The following TMEM33 variants were observed in gnomAD, a reference collection of about 807,000 sequenced individuals.
TMEM33 encodes the protein transmembrane protein 33.
In TMEM33, 16 loss-of-function variants were observed where a neutral mutation model predicts 29.7. That is an observed-to-expected ratio of 0.54 (90% CI 0.36 to 0.82). TMEM33 has a LOEUF of 0.82. Ranked by LOEUF, TMEM33 falls within the 40% of genes least tolerant of loss-of-function variation. TMEM33 has a pLI of 0.00. For missense variants in TMEM33, 252 were observed against 295.3 expected (o/e 0.85, Z 1.08); for synonymous variants, 112 against 109.4 (o/e 1.02, Z -0.15).
At position 41,955,681 on chromosome 4, in the gene TMEM33, AGC is replaced by A. The variant is rs1713233385; in HGVS notation, c.*1483_*1484del. On this transcript the variant is annotated 3_prime_UTR_variant, in exon 7 of 7. Transcript: ENST00000504986. ...GTATTTTTGTAATATTTGTCCACTA[AGC>A]TGGAGAAGCAGCCTCATACAGTTGA... 6.6e-6 allele frequency: 1 copy of A among 152,650 alleles called. No individual in the cohort carries two copies. Among genetic ancestry groups the A allele is most frequent in the Non-Finnish European group, 1.5e-5 (1 of 68,024 alleles). The allele number at this position is 152,650 out of a possible 1,614,324, so 9.5% of individuals were successfully genotyped here.
rs1286921150 is a variant in TMEM33 at position 41,959,242 on chromosome 4, A to G, written c.*5043A>G. ...ACAAAGGAGCTTCTAAAGGTTTGGGAGGTTTACTGGTAGTAACTATTCTAG... is the reference window on the plus strand; with the variant it reads ...ACAAAGGAGCTTCTAAAGGTTTGGGGGGTTTACTGGTAGTAACTATTCTAG... On this transcript the variant is annotated 3_prime_UTR_variant, in exon 7 of 7. Coordinates refer to ENST00000504986, the MANE Select transcript of TMEM33 (RefSeq NM_018126.3). 4 of 152,296 alleles carry G rather than the reference A, an allele frequency of 2.6e-5. No homozygotes were observed. Among genetic ancestry groups the G allele is most frequent in the Admixed American group, 2.0e-4 (3 of 15,302 alleles). 9.4% of individuals were successfully genotyped at this position (152,296 alleles called of 1,614,324 possible). A position where few individuals can be genotyped will look rare whatever the true frequency, so the allele number is the denominator to read the frequency against.
At chr4:41,948,350 A>G (rs902770823) in intron 5 of TMEM33, among the ~76,000 whole-genome samples, 1 of 152,120 alleles carries the variant, frequency 6.6e-6, no homozygotes. Flanking sequence ...TTTTCTATTT[A>G]TATTTTCTAT....
In TMEM33 at chr4:41,939,253, T is replaced by C. The variant is rs751412651; in HGVS notation, c.198T>C (p.Ser66=). 1.9e-5 allele frequency: 31 copies of C among 1,612,740 alleles called. 1 individual carries two copies. The South Asian group carries it at 3.4e-4, about 18-fold the overall frequency. The part of the protein sequence containing the change: ...QRALLANALT[S]ALRLHQRLPH... ...CTTTGCTGGCAAATGCTCTTACCAG[T>C]GCTCTGAGGCTGCATCAAAGATTAC... Residue 66 remains serine, a synonymous_variant, in exon 3 of 7, where the codon AGT becomes AGC. Coordinates refer to ENST00000504986, the MANE Select transcript of TMEM33 (RefSeq NM_018126.3).
At chr4:41,940,049 T>TTTTTTTTTTG (rs1712454948) in intron 3 of TMEM33, among the ~76,000 whole-genome samples, 1 of 124,050 alleles carries the variant, frequency 8.1e-6, no homozygotes, top group African/African-American at 2.8e-5. Context: ...AAACTTTCTT[T>TTTTTTTTTTG]TTTTTTTTTT....
At chr4:41,939,410 G>T in intron 3 of TMEM33, 27 bp downstream of exon 3, 1 of 1,603,944 alleles carries the variant, frequency 6.2e-7, no homozygotes, top group Non-Finnish European at 8.5e-7. Context: ...TGTTAACAAT[G>T]AAATTGCCAA....
intron 6 of TMEM33, among the ~76,000 whole-genome samples, chr4:41,951,612 T>C (rs1337150725): frequency 5.9e-5 from 9 of 152,334 alleles, no homozygotes; most frequent in South Asian, 2.1e-4. Context: ...GATGAACTTA[T>C]GTGGAATTAA....
chr4:41,944,106 G>C (rs1050226622), intron 4 of TMEM33: 8 of 341,414 alleles, frequency 2.3e-5, no homozygotes, highest in Admixed American at 4.8e-5. Context: ...TCTAAAGTTT[G>C]TTGAGTTGTC....
In TMEM33 at chr4:41,954,183, C is replaced by G. The variant is rs1713163273; in HGVS notation, c.728C>G (p.Ala243Gly). Residue 243 changes from alanine (A) to glycine (G), a missense_variant, in exon 7 of 7, where the codon GCA becomes GGA. Coordinates refer to ENST00000504986, the MANE Select transcript of TMEM33 (RefSeq NM_018126.3). ...AGCATTGCCTTTATAAGCAGATTGG[C>G]ACCAACAGTTCCATAGTTTAACATC... ...LQSIAFISRL[A>G]PTVP is the part of the protein sequence containing the mutation. The G allele has an allele frequency of 1.2e-6, 2 of 1,613,762 alleles. No homozygotes were observed. Among genetic ancestry groups the G allele is most frequent in the Non-Finnish European group, 1.7e-6 (2 of 1,179,744 alleles).
rs780306393 is a variant in TMEM33 at position 41,939,326 on chromosome 4, G to A, written c.271G>A (p.Asp91Asn). 1 of 1,613,670 alleles carries A rather than the reference G, an allele frequency of 6.2e-7. No homozygotes were observed. The highest frequency in any genetic ancestry group is 8.5e-7 in the Non-Finnish European group (1 of 1,179,884). The change falls in exon 3 of 7, where the codon GAC (aspartate) becomes AAC (asparagine). Residue 91 changes from aspartate (D) to asparagine (N), a missense_variant. Coordinates refer to ENST00000504986, the MANE Select transcript of TMEM33 (RefSeq NM_018126.3). ...RAFLAQALLEDSCHYLLYSLI... is the reference protein window; with the variant it reads ...RAFLAQALLENSCHYLLYSLI... ...ATTCCTGGCCCAGGCTTTGTTAGAGGACAGCTGCCACTACCTGTTGTATTC... is the reference window on the plus strand; with the variant it reads ...ATTCCTGGCCCAGGCTTTGTTAGAGAACAGCTGCCACTACCTGTTGTATTC...
chr4:41,940,786 C>T (rs963387039), intron 3 of TMEM33, among the ~76,000 whole-genome samples: 3 of 127,716 alleles, frequency 2.3e-5, no homozygotes, highest in Non-Finnish European at 4.7e-5. Flanking sequence ...CTAGCCTGGG[C>T]GACAGAGCGA....
At chr4:41,952,968 T>G (rs1560519874) in intron 6 of TMEM33, among the ~76,000 whole-genome samples, 1 of 152,108 alleles carries the variant, frequency 6.6e-6, no homozygotes, top group African/African-American at 2.4e-5. Flanking sequence ...TTTTTCTTGT[T>G]CTGTTTTAAA....
At chr4:41,944,664 C>G (rs1024114984) in intron 4 of TMEM33, 129 bp from the exon 5 acceptor site, 8 of 1,062,474 alleles carry the variant, frequency 7.5e-6, no homozygotes, top group Admixed American at 5.9e-5. Flanking sequence ...TTGTGAACTT[C>G]GTACCATCAT....
chr4:41,954,165 C>A lies in TMEM33; in HGVS notation c.710C>A (p.Ala237Asp), dbSNP rs369114020. 2.5e-6 allele frequency: 4 copies of A among 1,613,744 alleles called. No homozygotes were observed. The African/African-American group carries it at 5.3e-5, about 22-fold the overall frequency. ...FVRRLCLQSIAFISRLAPTVP is the reference protein window; with the variant it reads ...FVRRLCLQSIDFISRLAPTVP Reference sequence around the variant, plus strand: ...AGAAGACTTTGTCTCCAGAGCATTGCCTTTATAAGCAGATTGGCACCAACA... The same window carrying A: ...AGAAGACTTTGTCTCCAGAGCATTGACTTTATAAGCAGATTGGCACCAACA... Residue 237 changes from alanine (A) to aspartate (D), a missense_variant, in exon 7 of 7, where the codon GCC (alanine) becomes GAC (aspartate). By Grantham distance (126) the Ala-to-Asp change is moderately radical. Coordinates refer to ENST00000504986, the MANE Select transcript of TMEM33 (RefSeq NM_018126.3).
At chr4:41,950,819 CCTT>C (rs1208853646) in intron 6 of TMEM33, among the ~76,000 whole-genome samples, 2 of 152,086 alleles carry the variant, frequency 1.3e-5, no homozygotes, top group Admixed American at 6.6e-5. Flanking sequence ...CTTTGTGCCT[CCTT>C]CTCCATTCCC....
chr4:41,951,431 T>C (rs1713035848), intron 6 of TMEM33, among the ~76,000 whole-genome samples: 1 of 152,194 alleles, frequency 6.6e-6, no homozygotes, highest in African/African-American at 2.4e-5. Context: ...TTTATCATTG[T>C]TCAAAGTTCT....
chr4:41,939,514 A>G (rs759516365), intron 3 of TMEM33, 131 bp downstream of exon 3: 70 of 928,908 alleles, frequency 7.5e-5, no homozygotes, highest in Non-Finnish European at 1.0e-4. Flanking sequence ...GAATGAAGAT[A>G]TGTTTAGTGT....
At chr4:41,950,753 T>TATTC (rs1367746687) in intron 6 of TMEM33, among the ~76,000 whole-genome samples, 2 of 152,224 alleles carry the variant, frequency 1.3e-5, no homozygotes, top group African/African-American at 4.8e-5. Context: ...CATTATCTTA[T>TATTC]ATTCTCTTGC....
At chr4:41,935,342 G>C (rs1217384812), upstream of TMEM33, 1 of 888,756 alleles carries the variant, frequency 1.1e-6, no homozygotes, top group Non-Finnish European at 1.8e-6. Flanking sequence ...TGGAGGCTCA[G>C]AGTTCCGGCA....
At chr4:41,949,594 T>C (rs1383552807) in intron 6 of TMEM33, among the ~76,000 whole-genome samples, 1 of 152,176 alleles carries the variant, frequency 6.6e-6, no homozygotes, top group Non-Finnish European at 1.5e-5. Flanking sequence ...TGCAGTTATC[T>C]ACGCCACCTC....
Sources: gnomAD v4.1 joint callset for allele counts (sites outside exome capture counted in the v4.1 genomes callset) on GRCh38, gnomAD v4.1.1 for gene constraint, MANE v1.5 for transcripts, NCBI Gene and HGNC (gene_info 2026-07-23, HGNC 2026-07-21) for gene names.